The following KIAA1549L variants were observed in gnomAD, a reference collection of about 807,000 sequenced individuals.
The protein encoded by KIAA1549L is KIAA1549 like, also known as UPF0606 protein KIAA1549L.
A neutral mutation model predicts 160.7 loss-of-function variants in KIAA1549L; 88 were observed. The observed-to-expected ratio is 0.55, with a 90% confidence interval of 0.46 to 0.65. The LOEUF (loss-of-function observed/expected upper bound fraction) is 0.65, where lower values mean the gene tolerates loss of function less well. KIAA1549L is among the 30% of genes least tolerant of loss of function. KIAA1549L has a pLI of 0.00. For missense variants in KIAA1549L, 2,258 were observed against 2,437.5 expected (o/e 0.93, Z 1.55); for synonymous variants, 950 against 976.7 (o/e 0.97, Z 0.51).
chr11:33,505,559 C>T (rs1416341126), intron 1 of KIAA1549L, among the ~76,000 whole-genome samples: 1 of 152,174 alleles, frequency 6.6e-6, no homozygotes, highest in African/African-American at 2.4e-5. Flanking sequence ...CCTGGCCTCT[C>T]CCCATTTCCC....
intron 6 of KIAA1549L, among the ~76,000 whole-genome samples, chr11:33,556,555 G>C (rs1854654035): frequency 6.6e-6 from 1 of 152,206 alleles, no homozygotes; most frequent in South Asian, 2.1e-4. Context: ...CTACAACAGG[G>C]ATGAACCTTG....
At chr11:33,426,877 G>A (rs11032265) in intron 1 of KIAA1549L, among the ~76,000 whole-genome samples, 71,647 of 151,916 alleles carry the variant, frequency 0.47, 19,706 homozygotes, top group African/African-American at 0.77. Flanking sequence ...ATTTATATCT[G>A]TGCTTGATAG....
intron 15 of KIAA1549L, among the ~76,000 whole-genome samples, chr11:33,618,016 G>A (rs941065145): frequency 3.9e-5 from 6 of 152,308 alleles, no homozygotes; most frequent in East Asian, 1.9e-4. Flanking sequence ...TTCTTAGTCC[G>A]GAAGGAAATC....
chr11:33,660,000 C>T (rs1368729767), intron 19 of KIAA1549L, among the ~76,000 whole-genome samples: 2 of 152,246 alleles, frequency 1.3e-5, no homozygotes, highest in South Asian at 2.1e-4. Flanking sequence ...CCTAGATTCC[C>T]CAGGCCTGGG....
intron 11 of KIAA1549L, among the ~76,000 whole-genome samples, chr11:33,588,904 C>A (rs1175695509): frequency 6.6e-6 from 1 of 152,070 alleles, no homozygotes. Context: ...CTATAGACAG[C>A]CTCAAATAAA....
At chr11:33,579,564 T>C (rs12280523) in intron 10 of KIAA1549L, among the ~76,000 whole-genome samples, 13,145 of 152,034 alleles carry the variant, frequency 0.086, 1,946 homozygotes, top group African/African-American at 0.3. Context: ...TCCCACTTAC[T>C]ATGTGCTTAA....
At chr11:33,485,199 A>G (rs551011556) in intron 1 of KIAA1549L, among the ~76,000 whole-genome samples, 31 of 152,344 alleles carry the variant, frequency 2.0e-4, no homozygotes, top group African/African-American at 7.0e-4. Context: ...AAGTTGGACC[A>G]AGGGGAGGAA....
intron 1 of KIAA1549L, among the ~76,000 whole-genome samples, chr11:33,471,268 C>T (rs1402809719): frequency 6.7e-6 from 1 of 150,020 alleles, no homozygotes; most frequent in Non-Finnish European, 1.5e-5. Flanking sequence ...AGCCCAGCAT[C>T]TTCCCTGTCT....
intron 1 of KIAA1549L, among the ~76,000 whole-genome samples, chr11:33,381,896 C>G (rs143805356): frequency 1.4e-4 from 22 of 152,268 alleles, no homozygotes; most frequent in African/African-American, 4.8e-4. Context: ...AGGTCTTTGG[C>G]TCAAGCAACT....
At chr11:33,481,156 TAATG>T (rs1003569665) in intron 1 of KIAA1549L, among the ~76,000 whole-genome samples, 2 of 152,212 alleles carry the variant, frequency 1.3e-5, no homozygotes, top group Non-Finnish European at 2.9e-5. Context: ...GTGGCCCACT[TAATG>T]AATAGCATCT....
At chr11:33,377,624 A>G (rs559346747) in intron 1 of KIAA1549L, among the ~76,000 whole-genome samples, 53 of 152,162 alleles carry the variant, frequency 3.5e-4, no homozygotes, top group Non-Finnish European at 6.3e-4. Flanking sequence ...TGGAAATAAT[A>G]ATGATTACTG....
rs561862383 is a variant in KIAA1549L, at chr11:33,438,458, C to T, written c.238+61569C>T. 6.6e-5 allele frequency among the ~76,000 whole-genome samples: 10 copies of T among 152,310 alleles called. No individual in the cohort carries two copies. In the South Asian group the frequency reaches 2.1e-3, roughly 32 times the overall value. ...ATCTGGCAGCTTTGGGGTATGGAAG[C>T]CAAAATTGGAGAGATGTCAGCTGTG... On this transcript the variant is annotated intron_variant, in intron 1 of 20. Coordinates refer to ENST00000658780, the MANE Select transcript of KIAA1549L (RefSeq NM_012194.3).
At chr11:33,555,761 T>A (rs1457055679) in intron 6 of KIAA1549L, among the ~76,000 whole-genome samples, 1 of 152,194 alleles carries the variant, frequency 6.6e-6, no homozygotes, top group Non-Finnish European at 1.5e-5. Flanking sequence ...TTGGCAATGA[T>A]TTGTTGGACA....
chr11:33,456,940 G>T (rs1353762618), intron 1 of KIAA1549L, among the ~76,000 whole-genome samples: 4 of 152,192 alleles, frequency 2.6e-5, no homozygotes, highest in African/African-American at 9.6e-5. Context: ...TCCACATTTT[G>T]CTCCCCTTCT....
intron 1 of KIAA1549L, among the ~76,000 whole-genome samples, chr11:33,479,773 C>T (rs976917658): frequency 2.0e-5 from 3 of 151,972 alleles, no homozygotes; most frequent in African/African-American, 7.3e-5. Flanking sequence ...GAGCCAATGC[C>T]GGGCACATTT....
intron 10 of KIAA1549L, 34 bp from the exon 11 acceptor site, chr11:33,583,304 T>TTGTCATGTCCCTCC (rs1855702844): frequency 8.2e-6 from 13 of 1,577,378 alleles, no homozygotes; most frequent in Middle Eastern, 1.8e-4. Context: ...CCAGTGTTGC[T>TTGTCATGTCCCTCC]TGTCATGTCC....
At chr11:33,383,520 G>A (rs1229293739) in intron 1 of KIAA1549L, among the ~76,000 whole-genome samples, 1 of 152,156 alleles carries the variant, frequency 6.6e-6, no homozygotes, top group South Asian at 2.1e-4. Context: ...GAGCTGGCAG[G>A]AAGGTGGCAA....
chr11:33,551,023 G>A lies in KIAA1549L; in HGVS notation c.3502-17G>A, dbSNP rs757331489. On this transcript the variant is annotated splice_polypyrimidine_tract_variant and intron_variant, in intron 4 of 20. Coordinates refer to ENST00000658780, the MANE Select transcript of KIAA1549L (RefSeq NM_012194.3). ...TGGAAATAAACAATGGGTTTTGTGG[G>A]TCCATTTGTTTTGTAGGTGGACATT... 15 of 1,597,072 alleles carry A rather than the reference G, an allele frequency of 9.4e-6. No homozygotes were observed. Among genetic ancestry groups the A allele is most frequent in the African/African-American group, 6.7e-5 (5 of 74,548 alleles).
At chr11:33,587,068 A>G (rs1849903763) in intron 11 of KIAA1549L, among the ~76,000 whole-genome samples, 1 of 152,212 alleles carries the variant, frequency 6.6e-6, no homozygotes, top group African/African-American at 2.4e-5. Context: ...TAAAATGGAG[A>G]TATAACAATA....
Sources: allele counts gnomAD v4.1 joint callset (sites outside exome capture counted in the v4.1 genomes callset), GRCh38; gene constraint gnomAD v4.1.1; transcripts MANE v1.5; gene names NCBI Gene and HGNC (gene_info 2026-07-23, HGNC 2026-07-21).